The following GRID2 variants were observed in gnomAD, a reference collection of about 807,000 sequenced individuals.
GRID2 encodes glutamate ionotropic receptor delta type subunit 2.
In GRID2, 33 loss-of-function variants were observed where a neutral mutation model predicts 114.8. The ratio of observed to expected loss-of-function variants is 0.29; its 90% CI spans 0.22 to 0.38. The LOEUF (loss-of-function observed/expected upper bound fraction) is 0.38, where lower values mean the gene tolerates loss of function less well. Among genes scored for constraint, GRID2 ranks in the 10% least tolerant of loss-of-function variants. The pLI is 1.00. For missense variants in GRID2, 1,184 were observed against 1,257.7 expected (o/e 0.94, Z 0.89); for synonymous variants, 505 against 449.9 (o/e 1.12, Z -1.55).
In GRID2 at chr4:93,035,798, C is replaced by A. The variant is rs140789093; in HGVS notation, c.245-49197C>A. ...CTCTCACCACAAACAGGTAAGAGAG[C>A]AGAGCCTGAAATGTAAGCATGGACT... On this transcript the variant is annotated intron_variant, in intron 2 of 15. Coordinates refer to ENST00000282020, the MANE Select transcript of GRID2 (RefSeq NM_001510.4). Among the ~76,000 whole-genome samples the A allele has an allele frequency of 6.1e-4, 93 of 152,248 alleles. 1 individual carries two copies. Among genetic ancestry groups the A allele is most frequent in the Non-Finnish European group, 1.2e-3 (80 of 68,018 alleles).
intron 2 of GRID2, among the ~76,000 whole-genome samples, chr4:92,873,573 C>T (rs866292492): frequency 1.3e-4 from 20 of 152,100 alleles, no homozygotes; most frequent in African/African-American, 3.4e-4. Context: ...AATTTAGATA[C>T]GCTTCTATTG....
chr4:93,807,076 T>C (rs1275697038), exon 2 of GRID2: 1 of 152,288 alleles, frequency 6.6e-6, no homozygotes, highest in Non-Finnish European at 1.5e-5. Flanking sequence ...ACGACAGGAC[T>C]GCTGCTTTCA....
intron 2 of GRID2, among the ~76,000 whole-genome samples, chr4:92,635,404 T>C (rs1731021475): frequency 2.0e-5 from 3 of 152,144 alleles, no homozygotes; most frequent in Admixed American, 2.0e-4. Flanking sequence ...TATATGTCTT[T>C]ATTGTTTCTT....
intron 2 of GRID2, among the ~76,000 whole-genome samples, chr4:92,802,313 A>G (rs1467101260): frequency 6.6e-6 from 1 of 151,884 alleles, no homozygotes; most frequent in Non-Finnish European, 1.5e-5. Flanking sequence ...ACACAATTCC[A>G]TAGTTTACAT....
chr4:92,305,112 A>G (rs548548103), intron 1 of GRID2, among the ~76,000 whole-genome samples: 2 of 152,140 alleles, frequency 1.3e-5, no homozygotes, highest in Non-Finnish European at 2.9e-5. Context: ...CATTTGCTCC[A>G]TTTAAAAATT....
At position 93,185,047 on chromosome 4, in the gene GRID2, ATTAG is replaced by A. The variant is rs1454365423; in HGVS notation, c.736-22351_736-22348del. Among the ~76,000 whole-genome samples the A allele has an allele frequency of 2.0e-5, 3 of 152,228 alleles. No homozygotes were observed. The East Asian group carries it at 5.8e-4, about 29-fold the overall frequency. ...AGTCATTTTGAAAATGGTTAGGATT[ATTAG>A]TTAGTGTTAAGAAAATATTTTTAGA... On this transcript the variant is annotated intron_variant, in intron 4 of 15. Coordinates refer to ENST00000282020, the MANE Select transcript of GRID2 (RefSeq NM_001510.4).
At chr4:93,326,518 T>C (rs950462818) in intron 8 of GRID2, among the ~76,000 whole-genome samples, 2 of 151,778 alleles carry the variant, frequency 1.3e-5, no homozygotes, top group African/African-American at 2.4e-5. Context: ...CAATAGAGAA[T>C]AGAAGGAGAG....
chr4:92,500,387 T>A lies in GRID2; in HGVS notation c.89-89744T>A, dbSNP rs181501399. 1.7e-3 allele frequency among the ~76,000 whole-genome samples: 252 copies of A among 149,350 alleles called. 1 individual carries two copies. The highest frequency in any genetic ancestry group is 5.7e-3 in the African/African-American group (225 of 39,340). ...TCTATCTACAAAAGTTAAATTCTTT[T>A]AAAAAAAAACATATTTTTATTCACA... is the stretch of plus-strand genomic sequence containing the variant. On this transcript the variant is annotated intron_variant, in intron 1 of 15. Transcript: ENST00000282020.
chr4:92,406,960 T>C (rs550376915), intron 1 of GRID2, among the ~76,000 whole-genome samples: 1 of 152,068 alleles, frequency 6.6e-6, no homozygotes, highest in Admixed American at 6.6e-5. Flanking sequence ...GGGTAATTTA[T>C]ATATAAAAAA....
At chr4:93,018,669 A>C (rs1274062089) in intron 2 of GRID2, among the ~76,000 whole-genome samples, 1 of 152,128 alleles carries the variant, frequency 6.6e-6, no homozygotes, top group Non-Finnish European at 1.5e-5. Context: ...GTATATCAAT[A>C]ATCAAAATCT....
chr4:93,142,749 G>A (rs540029035), intron 4 of GRID2, among the ~76,000 whole-genome samples: 2 of 152,310 alleles, frequency 1.3e-5, no homozygotes, highest in African/African-American at 2.4e-5. Context: ...TGAAAGGACC[G>A]TGAGGTTTCT....
At chr4:93,228,003 C>A (rs764932781) in intron 7 of GRID2, among the ~76,000 whole-genome samples, 3 of 152,206 alleles carry the variant, frequency 2.0e-5, no homozygotes, top group Non-Finnish European at 4.4e-5. Context: ...GCTCTATTCA[C>A]AGCAGTACAG....
At chr4:92,605,204 C>A (rs1258431370) in intron 2 of GRID2, among the ~76,000 whole-genome samples, 1 of 151,962 alleles carries the variant, frequency 6.6e-6, no homozygotes. Flanking sequence ...GACTAATACA[C>A]CAGTGTACAT....
chr4:93,105,259 C>T (rs1732101567), intron 3 of GRID2, among the ~76,000 whole-genome samples: 1 of 151,956 alleles, frequency 6.6e-6, no homozygotes, highest in Non-Finnish European at 1.5e-5. Flanking sequence ...TTGTAGGTTG[C>T]CTGTTCACTC....
chr4:93,021,737 ATAT>A lies in GRID2; in HGVS notation c.245-63254_245-63252del, dbSNP rs1287683036. 3.4e-5 allele frequency among the ~76,000 whole-genome samples: 5 copies of A among 145,714 alleles called. No homozygotes were observed. The East Asian group carries it at 5.9e-4, about 17-fold the overall frequency. ...ATTATTTATAATATGTATATTATGA[ATAT>A]TATAATTATTTATAATATGAATATT... On this transcript the variant is annotated intron_variant, in intron 2 of 15. Coordinates refer to ENST00000282020, the MANE Select transcript of GRID2 (RefSeq NM_001510.4).
intron 2 of GRID2, among the ~76,000 whole-genome samples, chr4:92,950,723 T>C (rs1477732160): frequency 6.6e-6 from 1 of 152,182 alleles, no homozygotes; most frequent in African/African-American, 2.4e-5. Flanking sequence ...TTACTTTCCA[T>C]TATTTATATA....
chr4:93,325,589 C>T (rs139277774), intron 8 of GRID2, among the ~76,000 whole-genome samples: 1 of 151,890 alleles, frequency 6.6e-6, no homozygotes, highest in South Asian at 2.1e-4. Flanking sequence ...AATTAAACTA[C>T]AGTTTCTAAT....
chr4:92,406,927 C>A (rs1731056516), intron 1 of GRID2, among the ~76,000 whole-genome samples: 1 of 151,818 alleles, frequency 6.6e-6, no homozygotes, highest in African/African-American at 2.4e-5. Context: ...TCTCACACTG[C>A]TATAAAGATA....
intron 2 of GRID2, among the ~76,000 whole-genome samples, chr4:92,967,868 C>T (rs953626725): frequency 2.4e-4 from 36 of 151,950 alleles, no homozygotes; most frequent in African/African-American, 7.7e-4. Flanking sequence ...ACTGGCCCTC[C>T]ACTCCGAAGT....
Sources: allele counts gnomAD v4.1 joint callset (sites outside exome capture counted in the v4.1 genomes callset), GRCh38; gene constraint gnomAD v4.1.1; transcripts MANE v1.5; gene names NCBI Gene and HGNC (gene_info 2026-07-23, HGNC 2026-07-21).